LZTFL1: variants seen among roughly 807,000 people sequenced by gnomAD.
LZTFL1 encodes leucine zipper transcription factor like 1.
LZTFL1 carries 25 observed loss-of-function variants against 45.9 expected under a neutral mutation model. The ratio of observed to expected loss-of-function variants is 0.54; its 90% confidence interval spans 0.40 to 0.76. LZTFL1 has a LOEUF of 0.76. LZTFL1 is among the 30% of genes least tolerant of loss of function. LZTFL1 has a pLI of 0.00. For synonymous variants in LZTFL1, 93 were observed against 117.4 expected (o/e 0.79, Z 1.35); for missense variants, 277 against 331.1 (o/e 0.84, Z 1.27).
chr3:45,878,102 G>A (rs187590388), intron 2 of LZTFL1, among the ~76,000 whole-genome samples: 132 of 152,242 alleles, frequency 8.7e-4, no homozygotes, highest in African/African-American at 2.9e-3. Context: ...ACAATGTGAT[G>A]TATCTACATG....
rs1348943423 is a variant in LZTFL1 at position 45,901,353 on chromosome 3, A to G, written c.-215+11767T>C. 1 of 1,614,162 alleles carries G rather than the reference A, an allele frequency of 6.2e-7. No individual in the cohort carries two copies. Among genetic ancestry groups the G allele is most frequent in the South Asian group, 1.1e-5 (1 of 91,076 alleles). On this transcript the variant is annotated intron_variant, in intron 2 of 4. Coordinates refer to the LZTFL1 transcript ENST00000472635. The surrounding 1 kb of genome is among the most constrained non-coding windows in gnomAD (Gnocchi z 4.3). ...CATCCCAGAAATCTTATACAGCCAA[A>G]TCAAGGAGGAATCCGGCATTGCTAT...
intron 8 of LZTFL1, 77 bp from the exon 9 acceptor site, chr3:45,827,536 A>G: frequency 5.5e-6 from 5 of 901,964 alleles, no homozygotes; most frequent in Non-Finnish European, 8.9e-6. Flanking sequence ...AAAAATATGT[A>G]GTTTTTTTTG....
At chr3:45,837,690 CATCCTACAATT>C (rs1245391245) in intron 2 of LZTFL1, among the ~76,000 whole-genome samples, 1 of 152,212 alleles carries the variant, frequency 6.6e-6, no homozygotes, top group Non-Finnish European at 1.5e-5. Context: ...CAAACTCTGC[CATCCTACAATT>C]ATCCTACAAT....
intron 7 of LZTFL1, 135 bp downstream of exon 7, chr3:45,830,777 AC>A: frequency 1.4e-6 from 1 of 736,498 alleles, no homozygotes. Flanking sequence ...GAATGTCCCA[AC>A]ACATGACAAT....
chr3:45,840,518 A>C (rs1323391027), intron 1 of LZTFL1, among the ~76,000 whole-genome samples: 1 of 152,234 alleles, frequency 6.6e-6, no homozygotes, highest in Non-Finnish European at 1.5e-5. Context: ...GCTAAATGAG[A>C]GGTAGATATG....
chr3:45,844,946 CA>C (rs1323066041), upstream of LZTFL1, among the ~76,000 whole-genome samples: 2 of 152,194 alleles, frequency 1.3e-5, no homozygotes, highest in Middle Eastern at 3.4e-3. Flanking sequence ...TTACTTAGCC[CA>C]AATGATAGAT....
chr3:45,899,833 C>G (rs1035265252), intron 2 of LZTFL1, among the ~76,000 whole-genome samples: 9 of 152,162 alleles, frequency 5.9e-5, no homozygotes, highest in African/African-American at 2.2e-4. Flanking sequence ...ATCTCAGGGT[C>G]TCATTTCCAG....
At chr3:45,837,392 C>T (rs1261696503) in intron 2 of LZTFL1, among the ~76,000 whole-genome samples, 1 of 152,182 alleles carries the variant, frequency 6.6e-6, no homozygotes, top group Admixed American at 6.5e-5. Flanking sequence ...AGGTCTTTTT[C>T]ACTTATATCT....
intron 4 of LZTFL1, among the ~76,000 whole-genome samples, chr3:45,847,319 C>T (rs781618035): frequency 1.6e-4 from 24 of 152,284 alleles, no homozygotes; most frequent in Middle Eastern, 3.4e-3. Flanking sequence ...AAGATGACAT[C>T]TGCAGTGGTG....
chr3:45,915,402 C>A, intron 1 of LZTFL1: 1 of 414,274 alleles, frequency 2.4e-6, no homozygotes, highest in Non-Finnish European at 4.9e-6. Flanking sequence ...AGGGAGAAGA[C>A]AGCACCTGCC....
rs1700724247 is a variant in LZTFL1 at position 45,828,424 on chromosome 3, A to G, written c.777+15T>C. The G allele has an allele frequency of 6.2e-7, 1 of 1,610,362 alleles. No individual in the cohort carries two copies. The highest frequency in any genetic ancestry group is 8.5e-7 in the Non-Finnish European group (1 of 1,178,562). On this transcript the variant is annotated intron_variant, in intron 8 of 9. Transcript: ENST00000296135. Reference sequence around the variant, plus strand: ...ATGCATTAACAGACAAATCCCTTAAACATGGTCTTCTGACCTTTTCAGCCA... The same window carrying G: ...ATGCATTAACAGACAAATCCCTTAAGCATGGTCTTCTGACCTTTTCAGCCA...
At chr3:45,869,450 C>T (rs1167990398) in intron 2 of LZTFL1, among the ~76,000 whole-genome samples, 3 of 152,190 alleles carry the variant, frequency 2.0e-5, no homozygotes, top group African/African-American at 4.8e-5. Context: ...TTAGAAAACA[C>T]GGTTAACGTT....
chr3:45,883,820 G>C, intron 2 of LZTFL1: 23 of 523,668 alleles, frequency 4.4e-5, no homozygotes, highest in East Asian at 2.4e-4. Context: ...AAGAGTGAGA[G>C]TTGCAGCCAC....
intron 2 of LZTFL1, among the ~76,000 whole-genome samples, chr3:45,836,048 C>CT (rs1365814579): frequency 6.6e-6 from 1 of 152,088 alleles, no homozygotes; most frequent in African/African-American, 2.4e-5. Flanking sequence ...CCATCATCTA[C>CT]TTTTTTAACT....
At chr3:45,863,310 G>C (rs974491247) in intron 2 of LZTFL1, among the ~76,000 whole-genome samples, 5 of 152,302 alleles carry the variant, frequency 3.3e-5, no homozygotes, top group Middle Eastern at 3.4e-3. Flanking sequence ...TTCCTAATGA[G>C]AGGGATGAAA....
Position 45,880,732 on chromosome 3 carries a change from G to C in LZTFL1, c.-214-21716C>G, listed in dbSNP as rs184350788. Reference sequence around the variant, plus strand: ...CCAACTGTTCCCTCTGCTGATAATGGCTGCTCCAATCTTCACATTGATGGG... The same window carrying C: ...CCAACTGTTCCCTCTGCTGATAATGCCTGCTCCAATCTTCACATTGATGGG... On this transcript the variant is annotated intron_variant, in intron 2 of 4. Coordinates refer to the LZTFL1 transcript ENST00000472635. Among the ~76,000 whole-genome samples, 295 of 152,186 alleles carry C rather than the reference G, an allele frequency of 1.9e-3. 2 individuals carry two copies. Among genetic ancestry groups the C allele is most frequent in the Non-Finnish European group, 1.6e-3 (108 of 68,026 alleles).
intron 2 of LZTFL1, among the ~76,000 whole-genome samples, chr3:45,863,589 C>T (rs776811775): frequency 2.0e-5 from 3 of 152,156 alleles, no homozygotes; most frequent in South Asian, 4.1e-4. Flanking sequence ...TCATGAATTC[C>T]GATGTCACAG....
At chr3:45,893,533 T>G (rs1702256872) in intron 2 of LZTFL1, among the ~76,000 whole-genome samples, 1 of 152,220 alleles carries the variant, frequency 6.6e-6, no homozygotes. Context: ...TTGCATTATT[T>G]AGAGTTTTAT....
At chr3:45,868,695 T>C (rs1183850343) in intron 2 of LZTFL1, among the ~76,000 whole-genome samples, 4 of 152,208 alleles carry the variant, frequency 2.6e-5, no homozygotes, top group Non-Finnish European at 5.9e-5. Context: ...CCAAAGCAAG[T>C]ATATCATCTA....
Sources: allele counts gnomAD v4.1 joint callset (sites outside exome capture counted in the v4.1 genomes callset), GRCh38; gene constraint gnomAD v4.1.1; non-coding constraint Gnocchi (gnomAD v3.1); transcripts MANE v1.5; gene names NCBI Gene and HGNC (gene_info 2026-07-23, HGNC 2026-07-21).